Variants in GALNT13 observed in about 807,000 individuals in gnomAD.
GALNT13 encodes polypeptide N-acetylgalactosaminyltransferase 13.
Under a neutral mutation model 64.2 loss-of-function variants are expected in GALNT13, and 28 were observed. That is an observed-to-expected ratio of 0.44 (90% CI 0.32 to 0.60). The LOEUF (loss-of-function observed/expected upper bound fraction) is 0.60. Ranked by LOEUF, GALNT13 falls within the 20% of genes least tolerant of loss-of-function variation. GALNT13 has a pLI of 0.05. For missense variants in GALNT13, 577 were observed against 669.8 expected (o/e 0.86, Z 1.53); for synonymous variants, 214 against 224.6 (o/e 0.95, Z 0.42).
the GALNT13 span, among the ~76,000 whole-genome samples, chr2:153,233,867 C>T: frequency 6.6e-6 from 1 of 151,904 alleles, no homozygotes; most frequent in Non-Finnish European, 1.5e-5. Flanking sequence ...TTATTTCCAG[C>T]AAAATAACAT....
the GALNT13 span, among the ~76,000 whole-genome samples, chr2:153,658,648 T>C: frequency 6.6e-6 from 1 of 152,142 alleles, no homozygotes; most frequent in Non-Finnish European, 1.5e-5. Context: ...GACATCTTTA[T>C]TATAGGAGTT....
the GALNT13 span, among the ~76,000 whole-genome samples, chr2:153,780,528 C>A: frequency 1.3e-5 from 2 of 151,900 alleles, no homozygotes; most frequent in Admixed American, 6.6e-5. Flanking sequence ...TAGTAGAAAT[C>A]TTTGCTTTTA....
At chr2:153,789,231 G>A in the GALNT13 span, among the ~76,000 whole-genome samples, 1 of 151,932 alleles carries the variant, frequency 6.6e-6, no homozygotes, top group South Asian at 2.1e-4. Context: ...GCAAAGAACC[G>A]AAATGACACC....
At chr2:153,175,651 A>G in the GALNT13 span, among the ~76,000 whole-genome samples, 1 of 152,180 alleles carries the variant, frequency 6.6e-6, no homozygotes, top group Non-Finnish European at 1.5e-5. Context: ...TAGTTTGTAT[A>G]CTTCTGCTTT....
chr2:153,697,379 A>T, the GALNT13 span, among the ~76,000 whole-genome samples: 1 of 152,182 alleles, frequency 6.6e-6, no homozygotes, highest in Non-Finnish European at 1.5e-5. Context: ...TAAGAGAGAG[A>T]TAAGAGCATC....
the GALNT13 span, among the ~76,000 whole-genome samples, chr2:153,134,583 A>G: frequency 6.6e-6 from 1 of 152,244 alleles, no homozygotes; most frequent in African/African-American, 2.4e-5. Context: ...TGTCTTTGCT[A>G]TCAACAAACT....
the GALNT13 span, among the ~76,000 whole-genome samples, chr2:153,096,277 G>A: frequency 6.8e-6 from 1 of 148,020 alleles, no homozygotes; most frequent in South Asian, 2.1e-4. Flanking sequence ...ATTTTTTTTT[G>A]TGACCTAACA....
chr2:153,846,452 A>G, the GALNT13 span, among the ~76,000 whole-genome samples: 5 of 152,172 alleles, frequency 3.3e-5, no homozygotes, highest in Admixed American at 2.0e-4. Flanking sequence ...GTTAAAAATC[A>G]TGATAAATAT....
the GALNT13 span, among the ~76,000 whole-genome samples, chr2:153,605,243 TAGGCTCTTTACACAG>T: frequency 6.6e-6 from 1 of 152,126 alleles, no homozygotes; most frequent in South Asian, 2.1e-4. Context: ...AAGTAATAGA[TAGGCTCTTTACACAG>T]AGCTGGTAAT....
chr2:153,302,880 C>T, the GALNT13 span, among the ~76,000 whole-genome samples: 1 of 152,104 alleles, frequency 6.6e-6, no homozygotes, highest in Non-Finnish European at 1.5e-5. Flanking sequence ...TCTGGGCTCT[C>T]TATTCTGTTC....
chr2:153,356,561 A>G, the GALNT13 span: 5 of 152,226 alleles, frequency 3.3e-5, 1 homozygote, highest in Non-Finnish European at 7.3e-5. Flanking sequence ...AGAGTGCACA[A>G]CGTGCCAAAT....
intron 4 of GALNT13, among the ~76,000 whole-genome samples, chr2:154,234,369 T>A (rs1689081773): frequency 1.3e-5 from 2 of 152,198 alleles, no homozygotes; most frequent in Admixed American, 1.3e-4. Context: ...TTCTGCAATG[T>A]AGATATCGGA....
chr2:154,374,499 C>A (rs1345550741), intron 9 of GALNT13, among the ~76,000 whole-genome samples: 3 of 152,064 alleles, frequency 2.0e-5, no homozygotes, highest in Admixed American at 6.6e-5. Context: ...TAAAGCTGAA[C>A]TATAAACTTC....
At chr2:153,666,175 C>T in the GALNT13 span, among the ~76,000 whole-genome samples, 1 of 152,078 alleles carries the variant, frequency 6.6e-6, no homozygotes, top group Non-Finnish European at 1.5e-5. Flanking sequence ...GCAGAACCTG[C>T]CTATCCATCA....
At chr2:153,966,933 C>T (rs867955351) in intron 3 of GALNT13, among the ~76,000 whole-genome samples, 1 of 151,818 alleles carries the variant, frequency 6.6e-6, no homozygotes, top group African/African-American at 2.4e-5. Context: ...TATTTTTTCA[C>T]CCCTGACTGT....
intron 9 of GALNT13, among the ~76,000 whole-genome samples, chr2:154,374,231 C>T (rs1474532416): frequency 6.6e-6 from 1 of 152,176 alleles, no homozygotes; most frequent in Non-Finnish European, 1.5e-5. Context: ...TTCTAATATT[C>T]GGTAAGCATC....
chr2:153,627,036 A>G, the GALNT13 span, among the ~76,000 whole-genome samples: 1 of 152,090 alleles, frequency 6.6e-6, no homozygotes, highest in African/African-American at 2.4e-5. Context: ...AGTTTCAAAA[A>G]GGGATGAGGA....
chr2:153,942,621 C>T (rs972981026), intron 2 of GALNT13, among the ~76,000 whole-genome samples: 1 of 151,698 alleles, frequency 6.6e-6, no homozygotes. Flanking sequence ...TAGATAATAA[C>T]ATGTTACTTT....
chr2:153,697,900 A>C, the GALNT13 span, among the ~76,000 whole-genome samples: 1 of 152,214 alleles, frequency 6.6e-6, no homozygotes, highest in African/African-American at 2.4e-5. Flanking sequence ...GGTAAAAGAT[A>C]ATAATGACTT....
Sources: gnomAD v4.1 joint callset for allele counts (sites outside exome capture counted in the v4.1 genomes callset) on GRCh38, gnomAD v4.1.1 for gene constraint, MANE v1.5 for transcripts, NCBI Gene and HGNC (gene_info 2026-07-23, HGNC 2026-07-21) for gene names.